The following NTM variants were observed in gnomAD, a reference collection of about 807,000 sequenced individuals.
The protein encoded by NTM is neurotrimin, also known as IgLON family member 2.
NTM carries 13 observed loss-of-function variants against 42.1 expected under a neutral mutation model. The ratio of observed to expected loss-of-function variants is 0.31; its 90% CI spans 0.20 to 0.49. The LOEUF is 0.49. NTM is among the 20% of genes least tolerant of loss of function. NTM has a pLI of 0.99. For synonymous variants in NTM, 187 were observed against 179.2 expected, an observed-to-expected ratio of 1.04 and a Z score of -0.35; for missense variants, 373 against 452.8, an observed-to-expected ratio of 0.82 and a Z score of 1.60.
At chr11:132,156,099 C>T (rs1249380804) in intron 3 of NTM, among the ~76,000 whole-genome samples, 1 of 152,128 alleles carries the variant, frequency 6.6e-6, no homozygotes, top group African/African-American at 2.4e-5. Context: ...CACCCCTCAC[C>T]CCTCATTTCT....
intron 1 of NTM, among the ~76,000 whole-genome samples, chr11:131,591,943 T>C (rs1345783716): frequency 6.6e-6 from 1 of 152,208 alleles, no homozygotes; most frequent in African/African-American, 2.4e-5. Context: ...TACTCAGTTG[T>C]TGGAAGCCCA....
chr11:132,202,945 G>A (rs2081373693), intron 3 of NTM, among the ~76,000 whole-genome samples: 1 of 152,190 alleles, frequency 6.6e-6, no homozygotes, highest in Non-Finnish European at 1.5e-5. Flanking sequence ...TGTAACAAAT[G>A]ACAAAAGGGT....
intron 1 of NTM, among the ~76,000 whole-genome samples, chr11:131,633,072 G>A (rs1168924841): frequency 6.6e-6 from 1 of 152,156 alleles, no homozygotes; most frequent in East Asian, 1.9e-4. Context: ...AATCCACTTT[G>A]CCAAAGCCTG....
intron 1 of NTM, among the ~76,000 whole-genome samples, chr11:131,521,871 C>G (rs2049783487): frequency 6.6e-6 from 1 of 152,176 alleles, no homozygotes; most frequent in Non-Finnish European, 1.5e-5. Flanking sequence ...TTCCATTCCT[C>G]TCTACTATCT....
At chr11:131,804,423 T>C (rs1257613194) in intron 1 of NTM, among the ~76,000 whole-genome samples, 1 of 152,124 alleles carries the variant, frequency 6.6e-6, no homozygotes, top group Non-Finnish European at 1.5e-5. Flanking sequence ...CTCACCTTCT[T>C]AATCTTCACG....
chr11:132,134,668 T>A (rs1301984902), intron 2 of NTM, among the ~76,000 whole-genome samples: 1 of 141,754 alleles, frequency 7.1e-6, no homozygotes, highest in African/African-American at 2.6e-5. Flanking sequence ...CAATTGCCAT[T>A]ATTTTGTTCC....
chr11:131,832,865 T>C (rs2042995093), intron 1 of NTM, among the ~76,000 whole-genome samples: 1 of 152,242 alleles, frequency 6.6e-6, no homozygotes, highest in South Asian at 2.1e-4. Flanking sequence ...ACTGTTAAGT[T>C]CTATCCAAAT....
intron 2 of NTM, among the ~76,000 whole-genome samples, chr11:131,931,507 G>GTGTA (rs2058623369): frequency 1.4e-5 from 2 of 146,634 alleles, no homozygotes; most frequent in South Asian, 2.2e-4. Flanking sequence ...GTGTGTGTAT[G>GTGTA]TGTGTGTGTT....
rs1316850263 is a variant in NTM, at chr11:131,652,408, G to A, written c.83-259156G>A. Among the ~76,000 whole-genome samples, 5 of 152,112 alleles carry A rather than the reference G, an allele frequency of 3.3e-5. No homozygotes were observed. The East Asian group carries it at 5.8e-4, about 18-fold the overall frequency. On this transcript the variant is annotated intron_variant, in intron 1 of 8. Transcript: ENST00000683400. ...CCACAAACCAGAACAAAGCAAGGTG[G>A]TGCCCCAGGCCTTGTTCCCTTGGCC...
chr11:132,104,238 G>A (rs1192153896), intron 2 of NTM, among the ~76,000 whole-genome samples: 1 of 152,130 alleles, frequency 6.6e-6, no homozygotes, highest in Non-Finnish European at 1.5e-5. Context: ...GCATGCAACA[G>A]GCTGTGCCGC....
At chr11:131,592,089 G>A (rs2059413290) in intron 1 of NTM, among the ~76,000 whole-genome samples, 1 of 152,190 alleles carries the variant, frequency 6.6e-6, no homozygotes, top group Admixed American at 6.5e-5. Flanking sequence ...GTGATGAGGG[G>A]TAGGAAACTA....
intron 1 of NTM, among the ~76,000 whole-genome samples, chr11:131,607,009 A>G (rs1452725090): frequency 2.6e-5 from 4 of 152,270 alleles, no homozygotes; most frequent in Admixed American, 2.6e-4. Flanking sequence ...ATCTGAATTA[A>G]AATCTGTTAT....
intron 1 of NTM, among the ~76,000 whole-genome samples, chr11:131,498,752 G>A (rs1313878453): frequency 1.3e-5 from 2 of 152,208 alleles, no homozygotes; most frequent in African/African-American, 2.4e-5. Flanking sequence ...GGGCTGGGGG[G>A]AAGCCAGGCC....
intron 1 of NTM, among the ~76,000 whole-genome samples, chr11:131,600,111 A>G (rs2060337862): frequency 6.6e-6 from 1 of 152,192 alleles, no homozygotes; most frequent in African/African-American, 2.4e-5. Flanking sequence ...ATATGAAATT[A>G]TTAATAACTG....
At chr11:131,739,806 G>T (rs1351953555) in intron 1 of NTM, among the ~76,000 whole-genome samples, 4 of 152,210 alleles carry the variant, frequency 2.6e-5, no homozygotes, top group African/African-American at 9.6e-5. Flanking sequence ...AGCCTGAAGT[G>T]CTGCGTTCTC....
chr11:131,937,780 C>T (rs2059379893), intron 2 of NTM, among the ~76,000 whole-genome samples: 1 of 152,206 alleles, frequency 6.6e-6, no homozygotes, highest in Non-Finnish European at 1.5e-5. Context: ...AAGCTGGCCC[C>T]ATGTTAGAAT....
chr11:132,221,327 C>T (rs971276038), intron 4 of NTM, among the ~76,000 whole-genome samples: 7 of 152,256 alleles, frequency 4.6e-5, no homozygotes, highest in South Asian at 2.1e-4. Context: ...CACAACTAGG[C>T]GAGACAGGTC....
Position 131,713,798 on chromosome 11 carries a change from C to T in NTM, c.83-197766C>T, listed in dbSNP as rs139714687. Reference sequence around the variant, plus strand: ...CTGAGGGGCATAAGGCAGGAGAGACCGATGCAAGTTTTACAGCAGGAGTGA... The same window carrying T: ...CTGAGGGGCATAAGGCAGGAGAGACTGATGCAAGTTTTACAGCAGGAGTGA... On this transcript the variant is annotated intron_variant, in intron 1 of 8. Coordinates refer to ENST00000683400, the MANE Select transcript of NTM (RefSeq NM_001352005.2). 2.8e-4 allele frequency among the ~76,000 whole-genome samples: 43 copies of T among 152,210 alleles called. No individual in the cohort carries two copies. In the East Asian group the frequency reaches 5.8e-3, roughly 21 times the overall value.
At chr11:131,519,279 T>C (rs2049294690) in intron 1 of NTM, among the ~76,000 whole-genome samples, 1 of 152,254 alleles carries the variant, frequency 6.6e-6, no homozygotes, top group Non-Finnish European at 1.5e-5. Context: ...GCTGTAGAGT[T>C]AGTTATGACC....
Sources: gnomAD v4.1 joint callset for allele counts (sites outside exome capture counted in the v4.1 genomes callset) on GRCh38, gnomAD v4.1.1 for gene constraint, MANE v1.5 for transcripts, NCBI Gene and HGNC (gene_info 2026-07-23, HGNC 2026-07-21) for gene names.